API5: variants seen among roughly 807,000 people sequenced by gnomAD.
The protein encoded by API5 is FIF.
In API5, 6 loss-of-function variants were observed where a neutral mutation model predicts 71.9. The ratio of observed to expected loss-of-function variants is 0.08; its 90% CI spans 0.05 to 0.16. API5 has a LOEUF of 0.16. Among genes scored for constraint, API5 ranks in the 10% least tolerant of loss-of-function variants. The probability of loss-of-function intolerance (pLI) is 1.00; values close to 1 mark genes in which losing one functional copy is unlikely to be tolerated. For synonymous variants in API5, 189 were observed against 221.3 expected (o/e 0.85, Z 1.30); for missense variants, 332 against 612.8 (o/e 0.54, Z 4.84).
intron 11 of API5, among the ~76,000 whole-genome samples, chr11:43,331,554 G>A (rs993839767): frequency 6.6e-5 from 10 of 152,092 alleles, no homozygotes; most frequent in Admixed American, 1.3e-4. Context: ...CATCCTTGTT[G>A]TCTTCACATT....
At chr11:43,318,561 A>G in intron 1 of API5, 79 bp from the exon 2 acceptor site, 1 of 1,587,066 alleles carries the variant, frequency 6.3e-7, no homozygotes, top group Non-Finnish European at 8.6e-7. Context: ...AGCACACTCT[A>G]ACATGTTTGT....
At chr11:43,326,909 C>T (rs988708828) in intron 7 of API5, among the ~76,000 whole-genome samples, 2 of 152,136 alleles carry the variant, frequency 1.3e-5, no homozygotes, top group East Asian at 1.9e-4. Context: ...ACTGACAGAG[C>T]CAATTTTAAA....
chr11:43,317,973 G>A (rs1854730560), intron 1 of API5, among the ~76,000 whole-genome samples: 1 of 147,914 alleles, frequency 6.8e-6, no homozygotes, highest in Non-Finnish European at 1.5e-5. Context: ...ACCACACCTG[G>A]CCATCATTAC....
chr11:43,336,562 A>C (rs1427367221), intron 13 of API5, among the ~76,000 whole-genome samples: 3 of 152,166 alleles, frequency 2.0e-5, no homozygotes, highest in Non-Finnish European at 2.9e-5. Context: ...CCCTTTAGCC[A>C]TTAGAGCCAG....
intron 1 of API5, among the ~76,000 whole-genome samples, chr11:43,314,098 AT>A (rs1854588343): frequency 6.6e-6 from 1 of 152,072 alleles, no homozygotes; most frequent in Admixed American, 6.5e-5. Context: ...CAAACAAAAA[AT>A]TAAAAAAAAA....
At chr11:43,329,618 TTAA>T (rs533661364) in intron 9 of API5, among the ~76,000 whole-genome samples, 12 of 152,238 alleles carry the variant, frequency 7.9e-5, no homozygotes, top group Admixed American at 7.9e-4. Flanking sequence ...GCTGTTGTTA[TTAA>T]TAATACCTTA....
intron 11 of API5, among the ~76,000 whole-genome samples, chr11:43,333,246 C>G (rs1565110381): frequency 6.6e-6 from 1 of 152,170 alleles, no homozygotes. Flanking sequence ...ATAACCTACA[C>G]AAACCCTCCC....
intron 12 of API5, 125 bp from the exon 13 acceptor site, chr11:43,335,733 C>T (rs987453781): frequency 3.5e-6 from 4 of 1,136,686 alleles, no homozygotes; most frequent in Admixed American, 3.2e-5. Flanking sequence ...ATGTTAATTC[C>T]TTTTTTCTGA....
intron 13 of API5, among the ~76,000 whole-genome samples, chr11:43,337,165 A>T (rs1182930323): frequency 6.6e-6 from 1 of 152,012 alleles, no homozygotes; most frequent in Non-Finnish European, 1.5e-5. Flanking sequence ...TTCTACAAAG[A>T]AAATTTAAAA....
chr11:43,333,634 G>A (rs1022494532), intron 11 of API5, among the ~76,000 whole-genome samples: 1 of 152,068 alleles, frequency 6.6e-6, no homozygotes, highest in African/African-American at 2.4e-5. Flanking sequence ...GGCTACTATT[G>A]ATTAACAGAT....
intron 13 of API5, chr11:43,340,221 A>G (rs1193559004): frequency 2.8e-6 from 1 of 355,000 alleles, no homozygotes; most frequent in Non-Finnish European, 5.4e-6. Flanking sequence ...TAAATTAACC[A>G]AGAAGGTAAA....
intron 1 of API5, among the ~76,000 whole-genome samples, chr11:43,315,588 T>C (rs1208275956): frequency 2.6e-5 from 4 of 152,164 alleles, no homozygotes; most frequent in African/African-American, 7.2e-5. Flanking sequence ...TACATACATA[T>C]ATGAGCATGT....
intron 7 of API5, 119 bp downstream of exon 7, chr11:43,326,730 C>T: frequency 1.6e-6 from 1 of 616,636 alleles, no homozygotes. Context: ...TAATGGCCAG[C>T]CAGTAATCTC....
chr11:43,322,245 A>G (rs1333006861), intron 5 of API5, 109 bp downstream of exon 5: 5 of 1,069,970 alleles, frequency 4.7e-6, no homozygotes, highest in Non-Finnish European at 3.8e-6. Flanking sequence ...ATGATATATC[A>G]TATATCCCAT....
chr11:43,334,153 AT>A (rs947568325), intron 11 of API5, among the ~76,000 whole-genome samples: 1 of 152,072 alleles, frequency 6.6e-6, no homozygotes, highest in Non-Finnish European at 1.5e-5. Flanking sequence ...GACATGATAA[AT>A]TTTTTGTTTT....
intron 2 of API5, among the ~76,000 whole-genome samples, chr11:43,319,192 T>C (rs1197698254): frequency 6.6e-6 from 1 of 152,230 alleles, no homozygotes; most frequent in Non-Finnish European, 1.5e-5. Context: ...ACTACCCTTA[T>C]ATATTTTGCA....
At chr11:43,327,965 T>G (rs1404625328) in intron 8 of API5, 87 bp downstream of exon 8, 5 of 768,650 alleles carry the variant, frequency 6.5e-6, no homozygotes, top group Non-Finnish European at 9.7e-6. Context: ...CAAGAACCAG[T>G]TTTTGAAATT....
At chr11:43,321,568 C>A in intron 4 of API5, 92 bp downstream of exon 4, 1 of 1,028,692 alleles carries the variant, frequency 9.7e-7, no homozygotes, top group Non-Finnish European at 1.4e-6. Context: ...TAGGGTTTAC[C>A]CAGAGTTCTA....
Position 43,318,588 on chromosome 11 carries a change from G to C in API5, c.70-52G>C, listed in dbSNP as rs1854756979. 3 of 1,596,454 alleles carry C rather than the reference G, an allele frequency of 1.9e-6. No homozygotes were observed. The South Asian group carries it at 3.3e-5, about 18-fold the overall frequency. ...CATGTTTGTTATGGTCTTTTACTTTGCTTCCCATCCTTCAAAATCATGTGT... is the reference window on the plus strand; with the variant it reads ...CATGTTTGTTATGGTCTTTTACTTTCCTTCCCATCCTTCAAAATCATGTGT... On this transcript the variant is annotated intron_variant, in intron 1 of 13. Transcript: ENST00000531273.
Sources: allele counts gnomAD v4.1 joint callset (sites outside exome capture counted in the v4.1 genomes callset), GRCh38; gene constraint gnomAD v4.1.1; transcripts MANE v1.5; gene names NCBI Gene and HGNC (gene_info 2026-07-23, HGNC 2026-07-21).